STX11: variants seen among roughly 807,000 people sequenced by gnomAD.
The protein encoded by STX11 is syntaxin 11.
A neutral mutation model predicts 19.9 loss-of-function variants in STX11; 21 were observed. The observed-to-expected ratio is 1.06, with a 90% CI of 0.75 to 1.52. STX11 has a LOEUF of 1.52. STX11 is among the 40% of genes most tolerant of loss of function. The probability of loss-of-function intolerance (pLI) is 0.00; values close to 1 mark genes in which losing one functional copy is unlikely to be tolerated. For synonymous variants in STX11, 193 were observed against 174.4 expected, an observed-to-expected ratio of 1.11 and a Z score of -0.84; for missense variants, 438 against 405.9, an observed-to-expected ratio of 1.08 and a Z score of -0.68.
rs1021395853 is a variant in STX11, at chr6:144,159,651, A to G, written c.-6+8948A>G. 9.9e-5 allele frequency among the ~76,000 whole-genome samples: 15 copies of G among 152,204 alleles called. No homozygotes were observed. Among genetic ancestry groups the G allele is most frequent in the African/African-American group, 3.6e-4 (15 of 41,456 alleles). On this transcript the variant is annotated intron_variant, in intron 1 of 1. Transcript: ENST00000367568. The surrounding 1 kb of genome is among the most constrained non-coding windows in gnomAD (Gnocchi z 4.3). The stretch of plus-strand genomic sequence containing the variant: ...TTCTGTGTGTCTCATTCAATGCACC[A>G]TTACTAGAAGTTACTTTGTTAATAT...
In STX11 at chr6:144,154,257, T is replaced by A. The variant is rs1801077903; in HGVS notation, c.-6+3554T>A. Among the ~76,000 whole-genome samples, 1 of 152,212 alleles carries A rather than the reference T, an allele frequency of 6.6e-6. No individual in the cohort carries two copies. The highest frequency in any genetic ancestry group is 6.5e-5 in the Admixed American group (1 of 15,280). On this transcript the variant is annotated intron_variant, in intron 1 of 1. Coordinates refer to ENST00000367568, the MANE Select transcript of STX11 (RefSeq NM_003764.4). This position sits in a 1 kb window ranked among gnomAD's most constrained non-coding sequence, Gnocchi z 4.7. ...TAAGCTCAGGTTGAAGTCACTCTCC[T>A]GCCCCTAACAATTCTTCCTTATCCA...
the STX11 span, among the ~76,000 whole-genome samples, chr6:144,140,036 G>C: frequency 6.6e-6 from 1 of 151,028 alleles, no homozygotes; most frequent in East Asian, 1.9e-4. Flanking sequence ...CTCACACCTG[G>C]GGCACACAAG....
At position 144,167,650 on chromosome 6, in the gene STX11, G is replaced by T. The variant is rs1329385681; in HGVS notation, c.-6+16947G>T. ...TTTTCTTTTTTTGAGACAAGATCTT[G>T]CTCTGTTGCTCAGGTTAAAGTGCAG... On this transcript the variant is annotated intron_variant, in intron 1 of 1. Coordinates refer to ENST00000367568, the MANE Select transcript of STX11 (RefSeq NM_003764.4). The surrounding 1 kb of genome is among the most constrained non-coding windows in gnomAD (Gnocchi z 5.0). Among the ~76,000 whole-genome samples the T allele has an allele frequency of 2.6e-5, 4 of 151,942 alleles. No individual in the cohort carries two copies. Among genetic ancestry groups the T allele is most frequent in the Non-Finnish European group, 4.4e-5 (3 of 68,010 alleles).
At chr6:144,164,546 T>G (rs1177780576) in intron 1 of STX11, among the ~76,000 whole-genome samples, 1 of 152,238 alleles carries the variant, frequency 6.6e-6, no homozygotes, top group Admixed American at 6.5e-5. Context: ...TGATAAACAT[T>G]ACCAGTATCA....
chr6:144,164,706 T>C (rs951988442), intron 1 of STX11, among the ~76,000 whole-genome samples: 2 of 152,206 alleles, frequency 1.3e-5, no homozygotes, highest in African/African-American at 4.8e-5. Context: ...TATTTTTCAT[T>C]TTTTGAGACA....
the STX11 span, among the ~76,000 whole-genome samples, chr6:144,142,519 T>C: frequency 6.6e-6 from 1 of 152,228 alleles, no homozygotes; most frequent in Non-Finnish European, 1.5e-5. Flanking sequence ...GATTTTACTT[T>C]GTAAATTTAC....
chr6:144,172,595 A>G lies in STX11; in HGVS notation c.-5-14028A>G, dbSNP rs907326507. On this transcript the variant is annotated intron_variant, in intron 1 of 1. Coordinates refer to ENST00000367568, the MANE Select transcript of STX11 (RefSeq NM_003764.4). This position sits in a 1 kb window ranked among gnomAD's most constrained non-coding sequence, Gnocchi z 4.2. Reference sequence around the variant, plus strand: ...GAATTTGTTGCCATTTGTTGTAATCAAGTATAGTCTGTCTCTGACAAAAAT... The same window carrying G: ...GAATTTGTTGCCATTTGTTGTAATCGAGTATAGTCTGTCTCTGACAAAAAT... Among the ~76,000 whole-genome samples, 1 of 152,190 alleles carries G rather than the reference A, an allele frequency of 6.6e-6. No individual in the cohort carries two copies. The highest frequency in any genetic ancestry group is 1.5e-5 in the Non-Finnish European group (1 of 68,030).
rs1372561942 is a variant in STX11, at chr6:144,175,631, T to C, written c.-5-10992T>C. On this transcript the variant is annotated intron_variant, in intron 1 of 1. Coordinates refer to ENST00000367568, the MANE Select transcript of STX11 (RefSeq NM_003764.4). The surrounding 1 kb of genome is among the most constrained non-coding windows in gnomAD (Gnocchi z 5.1). ...CTTAATAACACTCTTTTAATCATTA[T>C]TTGTATGTGAATACAATGAGCCTCT... Among the ~76,000 whole-genome samples the C allele has an allele frequency of 1.3e-5, 2 of 152,230 alleles. No homozygotes were observed. The highest frequency in any genetic ancestry group is 2.4e-5 in the African/African-American group (1 of 41,454).
In STX11 at chr6:144,168,542, T is replaced by G. The variant is rs188981764; in HGVS notation, c.-6+17839T>G. Among the ~76,000 whole-genome samples, 9 of 152,342 alleles carry G rather than the reference T, an allele frequency of 5.9e-5. No individual in the cohort carries two copies. In the East Asian group the frequency reaches 1.7e-3, roughly 29 times the overall value. Reference sequence around the variant, plus strand: ...AAAACTTCATTGATGTCTTCCAGCTTACTGACTCTGAAGGTATATTTTTTG... The same window carrying G: ...AAAACTTCATTGATGTCTTCCAGCTGACTGACTCTGAAGGTATATTTTTTG... On this transcript the variant is annotated intron_variant, in intron 1 of 1. Coordinates refer to ENST00000367568, the MANE Select transcript of STX11 (RefSeq NM_003764.4).
chr6:144,173,015 G>A (rs777365904), intron 1 of STX11, among the ~76,000 whole-genome samples: 5 of 152,152 alleles, frequency 3.3e-5, no homozygotes, highest in Non-Finnish European at 7.4e-5. Flanking sequence ...ACCCAGCTCT[G>A]CTTTTCAGAA....
In STX11 at chr6:144,170,891, G is replaced by C. The variant is rs1801612175; in HGVS notation, c.-5-15732G>C. 2.0e-5 allele frequency among the ~76,000 whole-genome samples: 3 copies of C among 152,134 alleles called. No individual in the cohort carries two copies. In the South Asian group the frequency reaches 6.2e-4, roughly 31 times the overall value. On this transcript the variant is annotated intron_variant, in intron 1 of 1. Coordinates refer to ENST00000367568, the MANE Select transcript of STX11 (RefSeq NM_003764.4). The surrounding 1 kb of genome is among the most constrained non-coding windows in gnomAD (Gnocchi z 4.7). ...ATACAAAGTGCTCACTCTCTGCCAG[G>C]TGCTAGTCTTAAGAGCTTTACATGG...
chr6:144,187,347 C>A lies in STX11; in HGVS notation c.720C>A (p.Asp240Glu). 1 of 1,610,506 alleles carries A rather than the reference C, an allele frequency of 6.2e-7. No homozygotes were observed. The highest frequency in any genetic ancestry group is 1.1e-5 in the South Asian group (1 of 91,092). Residue 240 changes from aspartate (D) to glutamate (E), a missense_variant, in exon 2 of 2, where the codon GAC becomes GAA. Coordinates refer to ENST00000367568, the MANE Select transcript of STX11 (RefSeq NM_003764.4). This position sits in a 1 kb window ranked among gnomAD's most constrained non-coding sequence, Gnocchi z 5.6. ...CGGTGCTGGTGGAGAAGCAGGCCGACACCCTGAACGTCATCGAGCTCAACG... is the reference window on the plus strand; with the variant it reads ...CGGTGCTGGTGGAGAAGCAGGCCGAAACCCTGAACGTCATCGAGCTCAACG... Reference protein sequence around the residue: ...QMAVLVEKQADTLNVIELNVQ... With the variant: ...QMAVLVEKQAETLNVIELNVQ...
At chr6:144,146,685 T>G (rs1489714464), upstream of STX11, among the ~76,000 whole-genome samples, 2 of 152,188 alleles carry the variant, frequency 1.3e-5, no homozygotes, top group South Asian at 4.1e-4. This position sits in a 1 kb window ranked among gnomAD's most constrained non-coding sequence, Gnocchi z 4.4. Flanking sequence ...ACTTTCTGAA[T>G]AGCTGGGACA....
chr6:144,184,189 T>C lies in STX11; in HGVS notation c.-5-2434T>C, dbSNP rs1468323728. Among the ~76,000 whole-genome samples, 1 of 152,230 alleles carries C rather than the reference T, an allele frequency of 6.6e-6. No individual in the cohort carries two copies. Among genetic ancestry groups the C allele is most frequent in the Non-Finnish European group, 1.5e-5 (1 of 68,042 alleles). On this transcript the variant is annotated intron_variant, in intron 1 of 1. Transcript: ENST00000367568. This position sits in a 1 kb window ranked among gnomAD's most constrained non-coding sequence, Gnocchi z 6.5. ...TGCATGTGTCTTTATAATAGAATGA[T>C]TTATATTCCTTTGGGTATATACCCA...
chr6:144,148,681 C>T (rs1427479907), upstream of STX11, among the ~76,000 whole-genome samples: 1 of 152,206 alleles, frequency 6.6e-6, no homozygotes, highest in East Asian at 1.9e-4. Context: ...AGGATCCCAT[C>T]CAGGATACCA....
At position 144,155,990 on chromosome 6, in the gene STX11, CTT is replaced by C. The variant is rs1276141308; in HGVS notation, c.-6+5289_-6+5290del. ...TCTTTCTTTCTTTCTTTCTTTCTTT[CTT>C]TCTTTCTTTCTTTCTTTCTTTCTCT... On this transcript the variant is annotated intron_variant, in intron 1 of 1. Transcript: ENST00000367568. This position sits in a 1 kb window ranked among gnomAD's most constrained non-coding sequence, Gnocchi z 4.5. Among the ~76,000 whole-genome samples, 400 of 132,220 alleles carry C rather than the reference CTT, an allele frequency of 3.0e-3. 12 individuals carry two copies. Among genetic ancestry groups the C allele is most frequent in the African/African-American group, 0.014 (369 of 26,962 alleles). 86.7% of individuals were successfully genotyped at this position (132,220 alleles called of 152,430 possible).
Position 144,170,855 on chromosome 6 carries a change from A to G in STX11, c.-5-15768A>G, listed in dbSNP as rs1200751594. 6.6e-6 allele frequency among the ~76,000 whole-genome samples: 1 copy of G among 152,210 alleles called. No homozygotes were observed. Among genetic ancestry groups the G allele is most frequent in the Admixed American group, 6.5e-5 (1 of 15,274 alleles). On this transcript the variant is annotated intron_variant, in intron 1 of 1. Transcript: ENST00000367568. This position sits in a 1 kb window ranked among gnomAD's most constrained non-coding sequence, Gnocchi z 4.7. The stretch of plus-strand genomic sequence containing the variant: ...ATTTAAATCACAGGAATACATGACC[A>G]TAGGTAACATATACAAAGTGCTCAC...
chr6:144,140,771 G>A, the STX11 span: 1 of 985,312 alleles, frequency 1.0e-6, no homozygotes, highest in Non-Finnish European at 1.2e-6. Context: ...ATGGATGAAG[G>A]GGAGGAAGAA....
In STX11 at chr6:144,160,456, C is replaced by A. The variant is rs1389086086; in HGVS notation, c.-6+9753C>A. Among the ~76,000 whole-genome samples the A allele has an allele frequency of 6.6e-6, 1 of 152,074 alleles. No homozygotes were observed. Among genetic ancestry groups the A allele is most frequent in the African/African-American group, 2.4e-5 (1 of 41,376 alleles). On this transcript the variant is annotated intron_variant, in intron 1 of 1. Transcript: ENST00000367568. This position sits in a 1 kb window ranked among gnomAD's most constrained non-coding sequence, Gnocchi z 4.3. ...TTTATTATATTCAATAGATAAAGGA[C>A]CTTAAGTTTAATATATAAGTTAACA... is the stretch of plus-strand genomic sequence containing the variant.
Sources: allele counts gnomAD v4.1 joint callset (sites outside exome capture counted in the v4.1 genomes callset), GRCh38; gene constraint gnomAD v4.1.1; non-coding constraint Gnocchi (gnomAD v3.1); transcripts MANE v1.5; gene names NCBI Gene and HGNC (gene_info 2026-07-23, HGNC 2026-07-21).